DGKI: variants seen among roughly 807,000 people sequenced by gnomAD.
The protein encoded by DGKI is diacylglycerol kinase iota.
DGKI carries 55 observed loss-of-function variants against 147.5 expected under a neutral mutation model. The ratio of observed to expected loss-of-function variants is 0.37; its 90% CI spans 0.30 to 0.47. DGKI has a LOEUF of 0.47. DGKI is among the 20% of genes least tolerant of loss of function. The pLI is 1.00. For missense variants in DGKI, 1,007 were observed against 1,323.8 expected, an observed-to-expected ratio of 0.76 and a Z score of 3.71; for synonymous variants, 469 against 477.1, an observed-to-expected ratio of 0.98 and a Z score of 0.22.
At chr7:137,767,626 G>A (rs1269081655) in intron 1 of DGKI, among the ~76,000 whole-genome samples, 2 of 152,110 alleles carry the variant, frequency 1.3e-5, no homozygotes, top group Non-Finnish European at 2.9e-5. Flanking sequence ...TATACATGTG[G>A]CTCCACTATA....
chr7:137,629,441 A>G (rs554356808), intron 6 of DGKI, among the ~76,000 whole-genome samples: 1 of 152,300 alleles, frequency 6.6e-6, no homozygotes, highest in East Asian at 1.9e-4. Flanking sequence ...CTTTGCTTGA[A>G]GACCTCAAAC....
chr7:137,587,035 A>C, intron 13 of DGKI, 62 bp downstream of exon 13: 1 of 1,208,686 alleles, frequency 8.3e-7, no homozygotes, highest in Non-Finnish European at 1.1e-6. Flanking sequence ...TTAGAACATC[A>C]GTGGATCTGG....
intron 17 of DGKI, among the ~76,000 whole-genome samples, chr7:137,575,838 T>G (rs1818950416): frequency 6.6e-6 from 1 of 151,624 alleles, no homozygotes; most frequent in Non-Finnish European, 1.5e-5. Flanking sequence ...ATAGCAGCGG[T>G]AAAGGCCTTT....
chr7:137,755,702 C>A (rs1795657444), intron 1 of DGKI, among the ~76,000 whole-genome samples: 1 of 152,152 alleles, frequency 6.6e-6, no homozygotes, highest in South Asian at 2.1e-4. Flanking sequence ...GGGAAGGGCA[C>A]TCCTCCTATG....
At chr7:137,654,816 T>C (rs2129011806) in intron 4 of DGKI, 28 bp from the exon 5 acceptor site, 1 of 1,453,818 alleles carries the variant, frequency 6.9e-7, no homozygotes, top group East Asian at 2.3e-5. Flanking sequence ...AAGTATATTA[T>C]ATTAGAGATA....
intron 21 of DGKI, among the ~76,000 whole-genome samples, chr7:137,516,993 T>A (rs1316940944): frequency 6.6e-6 from 1 of 151,822 alleles, no homozygotes; most frequent in Non-Finnish European, 1.5e-5. Context: ...AATGATCAGG[T>A]TAACATCACC....
intron 5 of DGKI, among the ~76,000 whole-genome samples, chr7:137,651,162 A>G (rs1430765948): frequency 1.3e-5 from 2 of 152,170 alleles, no homozygotes; most frequent in Non-Finnish European, 2.9e-5. Flanking sequence ...TTTTGCACCA[A>G]CCTAATAATC....
intron 1 of DGKI, among the ~76,000 whole-genome samples, chr7:137,816,226 C>T (rs1797731746): frequency 6.6e-6 from 1 of 152,178 alleles, no homozygotes; most frequent in Non-Finnish European, 1.5e-5. Flanking sequence ...CTAATAGCCA[C>T]AAAAAGCATG....
intron 20 of DGKI, among the ~76,000 whole-genome samples, chr7:137,532,613 G>T (rs1438925829): frequency 2.6e-5 from 4 of 152,196 alleles, no homozygotes; most frequent in South Asian, 2.1e-4. Flanking sequence ...CAGTTGGTGG[G>T]AACTTCAGCT....
At chr7:137,489,610 G>A (rs1815689634) in intron 21 of DGKI, among the ~76,000 whole-genome samples, 1 of 151,968 alleles carries the variant, frequency 6.6e-6, no homozygotes, top group Admixed American at 6.6e-5. Flanking sequence ...GAGCAGAATA[G>A]AATTTCTAAT....
chr7:137,657,558 G>C (rs1432343784), intron 3 of DGKI, among the ~76,000 whole-genome samples: 4 of 152,214 alleles, frequency 2.6e-5, no homozygotes, highest in Non-Finnish European at 5.9e-5. Context: ...ATAAAGGACA[G>C]ACTGGAAGGA....
At chr7:137,589,720 AAAC>A (rs1256595598) in intron 12 of DGKI, among the ~76,000 whole-genome samples, 3 of 152,240 alleles carry the variant, frequency 2.0e-5, no homozygotes, top group Non-Finnish European at 4.4e-5. Flanking sequence ...CCAACTGCAG[AAAC>A]AACAGCCCTG....
At chr7:137,505,999 A>T (rs538829160) in intron 21 of DGKI, among the ~76,000 whole-genome samples, 198 of 152,284 alleles carry the variant, frequency 1.3e-3, no homozygotes, top group African/African-American at 4.6e-3. Context: ...ACATTCATTC[A>T]TTGCTGGTGG....
At position 137,656,807 on chromosome 7, in the gene DGKI, T is replaced by G. The variant is rs114022860; in HGVS notation, c.607-267A>C. Among the ~76,000 whole-genome samples the G allele has an allele frequency of 8.1e-3, 1,237 of 152,238 alleles. 21 individuals are homozygous for G. Among genetic ancestry groups the G allele is most frequent in the African/African-American group, 0.029 (1,197 of 41,526 alleles). On this transcript the variant is annotated intron_variant, in intron 3 of 32. Transcript: ENST00000614521. ...CTCTTCAAATAATAATAATAATAGC[T>G]CCAATATTTTGAGCATATAACAAGA...
At chr7:137,601,300 A>C (rs1398071472) in intron 10 of DGKI, among the ~76,000 whole-genome samples, 2 of 152,176 alleles carry the variant, frequency 1.3e-5, no homozygotes, top group Non-Finnish European at 2.9e-5. Flanking sequence ...AAATGCAAGA[A>C]GGATCTTTTT....
intron 4 of DGKI, 98 bp from the exon 5 acceptor site, chr7:137,654,886 G>GA: frequency 1.4e-6 from 1 of 729,080 alleles, no homozygotes; most frequent in Non-Finnish European, 2.3e-6. Flanking sequence ...TATTGAGACT[G>GA]AAAAGCAAAA....
At chr7:137,648,829 G>A (rs1821924406) in intron 5 of DGKI, among the ~76,000 whole-genome samples, 1 of 152,128 alleles carries the variant, frequency 6.6e-6, no homozygotes, top group Non-Finnish European at 1.5e-5. Context: ...ATATAGTTTA[G>A]TCAGGGAATA....
intron 21 of DGKI, among the ~76,000 whole-genome samples, chr7:137,516,616 C>A (rs1475146522): frequency 6.6e-6 from 1 of 151,582 alleles, no homozygotes. Context: ...TTCTTCCAAC[C>A]CCTGCTCACG....
intron 6 of DGKI, among the ~76,000 whole-genome samples, chr7:137,624,179 T>C (rs532520239): frequency 2.0e-5 from 3 of 152,314 alleles, no homozygotes; most frequent in Middle Eastern, 3.4e-3. Flanking sequence ...AGGAACAAAC[T>C]GAATTACTTT....
Sources: gnomAD v4.1 joint callset for allele counts (sites outside exome capture counted in the v4.1 genomes callset) on GRCh38, gnomAD v4.1.1 for gene constraint, MANE v1.5 for transcripts, NCBI Gene and HGNC (gene_info 2026-07-23, HGNC 2026-07-21) for gene names.